The following GPHN variants were observed in gnomAD, a reference collection of about 807,000 sequenced individuals.
The protein encoded by GPHN is gephyrin.
GPHN carries 17 observed loss-of-function variants against 95.5 expected under a neutral mutation model. The ratio of observed to expected loss-of-function variants is 0.18; its 90% CI spans 0.12 to 0.27. The LOEUF (loss-of-function observed/expected upper bound fraction) is 0.27, where lower values mean the gene tolerates loss of function less well. Ranked by LOEUF, GPHN falls within the 10% of genes least tolerant of loss-of-function variation. The pLI, the probability that GPHN is intolerant of heterozygous loss-of-function variation, is 1.00. For missense variants in GPHN, 660 were observed against 978.1 expected, an observed-to-expected ratio of 0.67 and a Z score of 4.34; for synonymous variants, 320 against 322.5, an observed-to-expected ratio of 0.99 and a Z score of 0.08.
chr14:67,267,079 G>C, the GPHN span, among the ~76,000 whole-genome samples: 1 of 151,966 alleles, frequency 6.6e-6, no homozygotes, highest in African/African-American at 2.4e-5. Flanking sequence ...CTGCACTCCA[G>C]CCTGTCTCAC....
At chr14:66,741,296 AATTT>A (rs1595749792) in intron 2 of GPHN, among the ~76,000 whole-genome samples, 2 of 152,314 alleles carry the variant, frequency 1.3e-5, no homozygotes, top group African/African-American at 2.4e-5. Context: ...ATTTTGTTTT[AATTT>A]ATTCATATGA....
At chr14:66,756,990 A>G (rs932222780) in intron 2 of GPHN, among the ~76,000 whole-genome samples, 5 of 152,188 alleles carry the variant, frequency 3.3e-5, no homozygotes, top group African/African-American at 1.2e-4. Context: ...TACATATGCC[A>G]CAGATACTTG....
intron 1 of GPHN, among the ~76,000 whole-genome samples, chr14:66,669,848 A>G (rs968373119): frequency 6.6e-6 from 1 of 151,902 alleles, no homozygotes; most frequent in Non-Finnish European, 1.5e-5. Context: ...AATTTGTTTC[A>G]TGTGTTTTTA....
the GPHN span, chr14:67,678,112 G>A: frequency 2.0e-6 from 1 of 501,444 alleles, no homozygotes; most frequent in Non-Finnish European, 3.6e-6. Context: ...AACTCTGGCA[G>A]TAACAGAAGC....
At chr14:66,899,122 C>CTTTTTTTTTTTTTTTTTTTT (rs149566081) in intron 5 of GPHN, among the ~76,000 whole-genome samples, 3 of 130,814 alleles carry the variant, frequency 2.3e-5, no homozygotes, top group Non-Finnish European at 3.5e-5. Context: ...AGGGCTTTTT[C>CTTTTTTTTTTTTTTTTTTTT]TTTTTTTTTT....
chr14:67,730,815 G>A, the GPHN span, among the ~76,000 whole-genome samples: 1 of 152,138 alleles, frequency 6.6e-6, no homozygotes, highest in Non-Finnish European at 1.5e-5. Flanking sequence ...TGTTGGCCAG[G>A]CTGGTCTTGA....
chr14:66,573,970 G>T (rs2060804938), intron 1 of GPHN, among the ~76,000 whole-genome samples: 1 of 151,966 alleles, frequency 6.6e-6, no homozygotes, highest in Non-Finnish European at 1.5e-5. Context: ...TATCCATTCA[G>T]CCGCTCTGTC....
At chr14:67,397,892 G>T in the GPHN span, 1 of 1,324,088 alleles carries the variant, frequency 7.6e-7, no homozygotes, top group South Asian at 1.5e-5. Context: ...TCAGGGAGGG[G>T]GTGTCTGGTG....
intron 6 of GPHN, among the ~76,000 whole-genome samples, chr14:66,918,536 A>G (rs967822852): frequency 6.6e-6 from 1 of 152,196 alleles, no homozygotes; most frequent in African/African-American, 2.4e-5. Context: ...TAATAGACAG[A>G]TGAATGAAAG....
chr14:67,121,134 A>G (rs1167205747), intron 16 of GPHN, among the ~76,000 whole-genome samples: 2 of 152,146 alleles, frequency 1.3e-5, no homozygotes, highest in Non-Finnish European at 2.9e-5. Context: ...ATAATAGTCC[A>G]GGTTTTCTCA....
At chr14:67,650,627 T>G in the GPHN span, 1 of 1,224,586 alleles carries the variant, frequency 8.2e-7, no homozygotes, top group South Asian at 1.2e-5. Context: ...GTTTTTACTT[T>G]GGCTTGTTCT....
chr14:66,759,475 A>G (rs573505363), intron 2 of GPHN, among the ~76,000 whole-genome samples: 2 of 152,368 alleles, frequency 1.3e-5, no homozygotes, highest in South Asian at 2.1e-4. Flanking sequence ...ACTGATGCAA[A>G]TAACAATATT....
chr14:67,140,455 C>A (rs1420263180), intron 17 of GPHN, among the ~76,000 whole-genome samples: 1 of 151,740 alleles, frequency 6.6e-6, no homozygotes, highest in Non-Finnish European at 1.5e-5. Flanking sequence ...GGCTCCAGAA[C>A]CTTTATCCCC....
At chr14:66,645,563 G>A (rs561823120) in intron 1 of GPHN, among the ~76,000 whole-genome samples, 2 of 151,702 alleles carry the variant, frequency 1.3e-5, no homozygotes, top group Non-Finnish European at 2.9e-5. Context: ...GTGGTGGTGG[G>A]CACTTGCAAT....
chr14:67,016,990 A>T (rs767086171), intron 9 of GPHN, among the ~76,000 whole-genome samples: 2 of 152,114 alleles, frequency 1.3e-5, no homozygotes, highest in Non-Finnish European at 2.9e-5. Flanking sequence ...ATTATGGATG[A>T]GGAAATTAAA....
intron 1 of GPHN, among the ~76,000 whole-genome samples, chr14:66,623,269 CCA>C (rs1330268695): frequency 1.3e-5 from 2 of 152,012 alleles, no homozygotes; most frequent in African/African-American, 2.4e-5. Flanking sequence ...CACGAAAGAC[CCA>C]CCCCCATAAT....
intron 10 of GPHN, among the ~76,000 whole-genome samples, chr14:67,041,626 A>G (rs2074712171): frequency 6.6e-6 from 1 of 152,194 alleles, no homozygotes; most frequent in African/African-American, 2.4e-5. Flanking sequence ...ATTGATGGAC[A>G]TCTGGGTTGG....
intron 9 of GPHN, chr14:66,996,044 AG>A (rs2071767448): frequency 5.2e-6 from 3 of 579,452 alleles, no homozygotes; most frequent in Admixed American, 5.7e-5. Context: ...TTCAAACTCA[AG>A]TGTCTGCTTA....
chr14:67,414,723 C>T, the GPHN span, among the ~76,000 whole-genome samples: 3 of 152,142 alleles, frequency 2.0e-5, no homozygotes, highest in Non-Finnish European at 4.4e-5. Flanking sequence ...GATAAGAATC[C>T]CCTGTTTAAG....
Sources: allele counts gnomAD v4.1 joint callset (sites outside exome capture counted in the v4.1 genomes callset), GRCh38; gene constraint gnomAD v4.1.1; transcripts MANE v1.5; gene names NCBI Gene and HGNC (gene_info 2026-07-23, HGNC 2026-07-21).